The following ARB2A variants were observed in gnomAD, a reference collection of about 807,000 sequenced individuals.
The protein encoded by ARB2A is ARB2 cotranscriptional regulator A.
At chr5:93,640,064 CAAAAAAA>C in the ARB2A span, among the ~76,000 whole-genome samples, 10 of 59,264 alleles carry the variant, frequency 1.7e-4, no homozygotes, top group East Asian at 1.6e-3. Flanking sequence ...ACTCTGTCTC[CAAAAAAA>C]AAAAAAAAAA....
the ARB2A span, among the ~76,000 whole-genome samples, chr5:94,030,343 G>A: frequency 1.6e-4 from 24 of 152,216 alleles, no homozygotes; most frequent in South Asian, 1.9e-3. Flanking sequence ...TGGGGTCTGC[G>A]TCCAAGATCA....
At chr5:94,043,153 A>G in the ARB2A span, among the ~76,000 whole-genome samples, 2 of 152,030 alleles carry the variant, frequency 1.3e-5, no homozygotes, top group South Asian at 2.1e-4. Context: ...AGAATAGAGG[A>G]AAAAAAACTT....
chr5:94,021,869 G>T, the ARB2A span, among the ~76,000 whole-genome samples: 3 of 152,130 alleles, frequency 2.0e-5, no homozygotes, highest in Non-Finnish European at 4.4e-5. Context: ...GTCAGTTCAG[G>T]ACCAGCCTGG....
the ARB2A span, among the ~76,000 whole-genome samples, chr5:94,037,085 T>C: frequency 8.5e-5 from 13 of 152,170 alleles, no homozygotes; most frequent in African/African-American, 1.9e-4. Flanking sequence ...CCATGTGTAG[T>C]TGGGCTTTCT....
chr5:94,000,541 T>C, the ARB2A span, among the ~76,000 whole-genome samples: 7 of 152,144 alleles, frequency 4.6e-5, no homozygotes, highest in Admixed American at 4.6e-4. Context: ...GAGATCTTTG[T>C]TATTTTCAAT....
the ARB2A span, among the ~76,000 whole-genome samples, chr5:93,648,333 A>T: frequency 1.3e-5 from 2 of 152,190 alleles, no homozygotes; most frequent in African/African-American, 4.8e-5. Context: ...TAGTAAAAAC[A>T]TAAGAATATG....
chr5:93,622,919 T>A, the ARB2A span, among the ~76,000 whole-genome samples: 2 of 152,226 alleles, frequency 1.3e-5, no homozygotes, highest in South Asian at 4.1e-4. Context: ...GATATTATTA[T>A]ATTTTTACTG....
chr5:93,712,192 T>A, the ARB2A span, among the ~76,000 whole-genome samples: 1 of 152,132 alleles, frequency 6.6e-6, no homozygotes, highest in Non-Finnish European at 1.5e-5. Context: ...TTAGGCTATG[T>A]AGGCAAAGAG....
chr5:93,689,506 C>T, the ARB2A span, among the ~76,000 whole-genome samples: 2 of 152,224 alleles, frequency 1.3e-5, no homozygotes, highest in East Asian at 3.8e-4. Context: ...CATTCTCCTA[C>T]AGATCTGACC....
the ARB2A span, among the ~76,000 whole-genome samples, chr5:93,627,484 C>T: frequency 2.8e-5 from 4 of 144,230 alleles, no homozygotes; most frequent in Admixed American, 1.4e-4. Flanking sequence ...CACTCTGTCA[C>T]CTACTGCTGG....
At chr5:93,850,355 C>T in the ARB2A span, among the ~76,000 whole-genome samples, 2 of 152,276 alleles carry the variant, frequency 1.3e-5, no homozygotes, top group African/African-American at 2.4e-5. Flanking sequence ...ACAACCAGAG[C>T]TTCCAGAACC....
the ARB2A span, among the ~76,000 whole-genome samples, chr5:93,802,248 G>A: frequency 1.1e-3 from 167 of 152,060 alleles, no homozygotes; most frequent in African/African-American, 3.8e-3. Flanking sequence ...TGCCAAACAG[G>A]TAAAGTCAGT....
chr5:93,659,505 A>G, the ARB2A span, among the ~76,000 whole-genome samples: 2 of 152,158 alleles, frequency 1.3e-5, no homozygotes, highest in African/African-American at 4.8e-5. Context: ...TTAGCTACCA[A>G]AAGAAGCAGA....
the ARB2A span, among the ~76,000 whole-genome samples, chr5:93,723,401 T>C: frequency 1.3e-5 from 2 of 152,258 alleles, no homozygotes; most frequent in South Asian, 2.1e-4. Context: ...TTATCTCTAA[T>C]AGCTTCAAAT....
the ARB2A span, among the ~76,000 whole-genome samples, chr5:93,831,006 A>G: frequency 2.6e-5 from 4 of 152,170 alleles, no homozygotes; most frequent in East Asian, 7.7e-4. Context: ...GATCCCTCAC[A>G]TGCGCAGTTC....
the ARB2A span, among the ~76,000 whole-genome samples, chr5:93,985,865 C>T: frequency 1.3e-5 from 2 of 152,162 alleles, no homozygotes; most frequent in African/African-American, 2.4e-5. Flanking sequence ...AAGTGAGGAG[C>T]GTCTCTGCCT....
the ARB2A span, among the ~76,000 whole-genome samples, chr5:93,918,430 CTTTTTTTT>C: frequency 4.7e-5 from 5 of 107,344 alleles, no homozygotes; most frequent in East Asian, 5.5e-4. Context: ...TTCCAAATTT[CTTTTTTTT>C]TTTTTTTTTT....
the ARB2A span, among the ~76,000 whole-genome samples, chr5:93,993,914 C>A: frequency 6.6e-6 from 1 of 151,606 alleles, no homozygotes; most frequent in Non-Finnish European, 1.5e-5. Flanking sequence ...GTAAATAAAT[C>A]ATCTTTTAAA....
chr5:93,884,882 C>T, the ARB2A span, among the ~76,000 whole-genome samples: 1 of 151,578 alleles, frequency 6.6e-6, no homozygotes, highest in Admixed American at 6.6e-5. Context: ...AACTATCCCA[C>T]CTATGTGCTC....
Sources: allele counts gnomAD v4.1 joint callset (sites outside exome capture counted in the v4.1 genomes callset), GRCh38; gene constraint gnomAD v4.1.1; transcripts MANE v1.5; gene names NCBI Gene and HGNC (gene_info 2026-07-23, HGNC 2026-07-21).